The following MSRA variants were observed in gnomAD, a reference collection of about 807,000 sequenced individuals.
MSRA encodes mitochondrial peptide methionine sulfoxide reductase.
MSRA carries 54 observed loss-of-function variants against 31.3 expected under a neutral mutation model. The ratio of observed to expected loss-of-function variants is 1.73; its 90% CI spans 1.39 to 2.17. MSRA has a LOEUF of 2.17. Ranked by LOEUF, MSRA falls within the 30% of genes most tolerant of loss-of-function variation. The probability of loss-of-function intolerance (pLI) is 0.00; values close to 1 mark genes in which losing one functional copy is unlikely to be tolerated. For synonymous variants in MSRA, 169 were observed against 116.5 expected, an observed-to-expected ratio of 1.45 and a Z score of -2.90; for missense variants, 507 against 300.9, an observed-to-expected ratio of 1.69 and a Z score of -5.07.
chr8:10,405,831 G>A (rs1205360297), intron 5 of MSRA, among the ~76,000 whole-genome samples: 1 of 117,774 alleles, frequency 8.5e-6, no homozygotes, highest in Non-Finnish European at 2.2e-5. Context: ...GTGCTCACAC[G>A]TAATCACAGA....
At chr8:10,420,162 G>C (rs1291728978) in intron 5 of MSRA, among the ~76,000 whole-genome samples, 1 of 152,166 alleles carries the variant, frequency 6.6e-6, no homozygotes, top group African/African-American at 2.4e-5. Context: ...AAGACATTAA[G>C]TGAAATATGC....
chr8:10,417,595 T>C (rs1808543474), intron 5 of MSRA, among the ~76,000 whole-genome samples: 1 of 152,140 alleles, frequency 6.6e-6, no homozygotes, highest in South Asian at 2.1e-4. Context: ...CAGCTCAGAA[T>C]AGATGATGTT....
chr8:10,250,243 A>G (rs895300547), intron 3 of MSRA, among the ~76,000 whole-genome samples: 1 of 152,186 alleles, frequency 6.6e-6, no homozygotes, highest in Admixed American at 6.5e-5. Flanking sequence ...CTGATAGAGA[A>G]TTATTCTTAC....
At chr8:10,157,804 C>T (rs1473430655) in intron 1 of MSRA, among the ~76,000 whole-genome samples, 1 of 152,080 alleles carries the variant, frequency 6.6e-6, no homozygotes, top group Non-Finnish European at 1.5e-5. Flanking sequence ...CTCCCCATCT[C>T]CCTGTCTCTC....
intron 1 of MSRA, among the ~76,000 whole-genome samples, chr8:10,167,101 C>T (rs909946652): frequency 6.6e-6 from 1 of 152,150 alleles, no homozygotes; most frequent in African/African-American, 2.4e-5. Context: ...TTCTTCCCTC[C>T]TCTCCATTCT....
intron 1 of MSRA, among the ~76,000 whole-genome samples, chr8:10,059,486 C>G (rs1046548307): frequency 6.6e-6 from 1 of 152,190 alleles, no homozygotes; most frequent in Non-Finnish European, 1.5e-5. Flanking sequence ...AACTCCTATA[C>G]TCTTTTTCCA....
chr8:10,302,275 T>G (rs1800889540), intron 4 of MSRA, among the ~76,000 whole-genome samples: 1 of 152,272 alleles, frequency 6.6e-6, no homozygotes, highest in African/African-American at 2.4e-5. Flanking sequence ...GCAAATATCA[T>G]TGTAATATTC....
chr8:10,103,491 A>C (rs529992071), intron 1 of MSRA, among the ~76,000 whole-genome samples: 1 of 152,208 alleles, frequency 6.6e-6, no homozygotes, highest in Non-Finnish European at 1.5e-5. Flanking sequence ...GACTTTTCCT[A>C]TAAGTGAAGT....
chr8:10,274,016 C>A (rs902845004), intron 3 of MSRA, among the ~76,000 whole-genome samples: 7 of 152,086 alleles, frequency 4.6e-5, no homozygotes, highest in African/African-American at 1.7e-4. Context: ...CCTCTGGGAA[C>A]CAGGAAGGGA....
intron 4 of MSRA, among the ~76,000 whole-genome samples, chr8:10,309,650 G>T (rs552899050): frequency 6.6e-6 from 1 of 152,314 alleles, no homozygotes; most frequent in East Asian, 1.9e-4. Context: ...CTATGCTGTT[G>T]GGTTTCCTGG....
intron 1 of MSRA, among the ~76,000 whole-genome samples, chr8:10,146,347 G>C (rs571642612): frequency 6.6e-6 from 1 of 152,284 alleles, no homozygotes; most frequent in South Asian, 2.1e-4. Context: ...AGAAATAAAA[G>C]AAAGACATCC....
intron 5 of MSRA, among the ~76,000 whole-genome samples, chr8:10,359,784 G>T (rs1363466518): frequency 6.6e-6 from 1 of 152,222 alleles, no homozygotes; most frequent in Non-Finnish European, 1.5e-5. Context: ...GTCTCAGACA[G>T]AGGCCCTTTT....
chr8:10,235,108 TAGAG>T (rs80095982), intron 2 of MSRA, among the ~76,000 whole-genome samples: 13,585 of 152,092 alleles, frequency 0.089, 675 homozygotes, highest in East Asian at 0.19. Flanking sequence ...AAGAAACACA[TAGAG>T]AGAAATTTTA....
chr8:10,373,135 C>A (rs1230207547), intron 5 of MSRA, among the ~76,000 whole-genome samples: 1 of 152,238 alleles, frequency 6.6e-6, no homozygotes, highest in Non-Finnish European at 1.5e-5. Flanking sequence ...AGGTGATCTA[C>A]CCTCTTCGGC....
At chr8:10,418,581 A>G (rs1808617915) in intron 5 of MSRA, among the ~76,000 whole-genome samples, 1 of 152,066 alleles carries the variant, frequency 6.6e-6, no homozygotes, top group African/African-American at 2.4e-5. Context: ...ATCTGGGTAG[A>G]GTGTCCAAAG....
At chr8:10,097,444 T>C (rs59899904) in intron 1 of MSRA, among the ~76,000 whole-genome samples, 8,397 of 152,204 alleles carry the variant, frequency 0.055, 364 homozygotes, top group African/African-American at 0.12. Context: ...CCTTTTTGAA[T>C]TGATTACAGG....
chr8:10,204,871 T>C (rs1308728501), intron 1 of MSRA, among the ~76,000 whole-genome samples: 2 of 151,982 alleles, frequency 1.3e-5, no homozygotes, highest in Non-Finnish European at 2.9e-5. Flanking sequence ...AAATGGGGAG[T>C]CAGAGAGCTA....
chr8:10,135,058 C>T (rs546109925), intron 1 of MSRA, among the ~76,000 whole-genome samples: 149 of 152,346 alleles, frequency 9.8e-4, no homozygotes, highest in African/African-American at 3.3e-3. Context: ...GAAGAGGAAG[C>T]TGGTGTAGGA....
intron 2 of MSRA, among the ~76,000 whole-genome samples, chr8:10,223,130 G>T (rs949691214): frequency 1.3e-5 from 2 of 152,196 alleles, no homozygotes; most frequent in African/African-American, 4.8e-5. Context: ...GCAAAACACA[G>T]ATACACGTCC....
Sources: allele counts gnomAD v4.1 joint callset (sites outside exome capture counted in the v4.1 genomes callset), GRCh38; gene constraint gnomAD v4.1.1; transcripts MANE v1.5; gene names NCBI Gene and HGNC (gene_info 2026-07-23, HGNC 2026-07-21).